ABCA9: variants seen among roughly 807,000 people sequenced by gnomAD.
ABCA9 encodes ATP binding cassette subfamily A member 9, also known as ATP-binding cassette sub-family A member 9.
ABCA9 carries 183 observed loss-of-function variants against 205.3 expected under a neutral mutation model. The observed-to-expected ratio is 0.89, with a 90% CI of 0.79 to 1.01. The LOEUF (loss-of-function observed/expected upper bound fraction) is 1.01. ABCA9 is among the 50% of genes least tolerant of loss of function. ABCA9 has a pLI of 0.00. For missense variants in ABCA9, 1,805 were observed against 1,912.4 expected (o/e 0.94, Z 1.05); for synonymous variants, 651 against 683.3 (o/e 0.95, Z 0.74).
At chr17:69,014,355 A>C (rs1294143020) in intron 22 of ABCA9, among the ~76,000 whole-genome samples, 1 of 152,198 alleles carries the variant, frequency 6.6e-6, no homozygotes, top group African/African-American at 2.4e-5. Context: ...AAAGGTGCAC[A>C]TGAAACAAAC....
intron 25 of ABCA9, 57 bp from the exon 26 acceptor site, chr17:68,996,071 G>A (rs1228112736): frequency 6.4e-7 from 1 of 1,561,476 alleles, no homozygotes; most frequent in Non-Finnish European, 8.7e-7. Flanking sequence ...ATTTTAGGAT[G>A]TTTTCTAAGA....
intron 20 of ABCA9, 52 bp downstream of exon 20, chr17:69,018,361 A>G: frequency 7.3e-7 from 1 of 1,378,640 alleles, no homozygotes; most frequent in African/African-American, 1.5e-5. Flanking sequence ...TTTTGGGGGG[A>G]ATCTCTCAAC....
chr17:69,056,352 A>G (rs1253220693), intron 1 of ABCA9, among the ~76,000 whole-genome samples: 1 of 152,188 alleles, frequency 6.6e-6, no homozygotes, highest in Non-Finnish European at 1.5e-5. Context: ...GATCTCATAG[A>G]CATTAAGAGG....
At position 68,989,109 on chromosome 17, in the gene ABCA9, A is replaced by G. The variant is rs755734680; in HGVS notation, c.3965T>C (p.Ile1322Thr). The G allele has an allele frequency of 1.9e-5, 31 of 1,607,474 alleles. No individual in the cohort carries two copies. In the South Asian group the frequency reaches 3.4e-4, roughly 18 times the overall value. Reference sequence around the variant, plus strand: ...AGCTCCATTGTGTCCTAACAGTCCTATAACTTCACCTGAAAGAAAGTGGTA... The same window carrying G: ...AGCTCCATTGTGTCCTAACAGTCCTGTAACTTCACCTGAAAGAAAGTGGTA... Reference protein sequence around the residue: ...VSFCVKKGEVIGLLGHNGAGK... With the variant: ...VSFCVKKGEVTGLLGHNGAGK... Residue 1322 changes from isoleucine to threonine, a missense_variant, in exon 31 of 39, where the codon ATA becomes ACA. Coordinates refer to ENST00000340001, the MANE Select transcript of ABCA9 (RefSeq NM_080283.4).
At chr17:68,984,006 C>G (rs754012783) in intron 35 of ABCA9, 50 bp downstream of exon 35, 13 of 1,610,472 alleles carry the variant, frequency 8.1e-6, no homozygotes, top group Non-Finnish European at 1.1e-5. Flanking sequence ...ATAAACTTTG[C>G]TCACAGCACA....
At chr17:69,011,786 T>G in intron 23 of ABCA9, 190 bp downstream of exon 23, 1 of 475,932 alleles carries the variant, frequency 2.1e-6, no homozygotes, top group Non-Finnish European at 3.7e-6. Context: ...CTGTCCTTCC[T>G]GAGGTCTCAC....
At chr17:68,997,563 T>C (rs1281359980) in intron 25 of ABCA9, among the ~76,000 whole-genome samples, 1 of 151,294 alleles carries the variant, frequency 6.6e-6, no homozygotes, top group Non-Finnish European at 1.5e-5. Flanking sequence ...CTCTTTCATG[T>C]GGCTGTAATT....
chr17:69,037,111 T>C (rs1253195328), intron 6 of ABCA9, among the ~76,000 whole-genome samples: 1 of 151,996 alleles, frequency 6.6e-6, no homozygotes, highest in African/African-American at 2.4e-5. Context: ...GACACAATAA[T>C]AATGGGAGAC....
intron 36 of ABCA9, 127 bp downstream of exon 36, chr17:68,983,579 CTCT>C: frequency 1.5e-6 from 2 of 1,303,710 alleles, no homozygotes; most frequent in Non-Finnish European, 2.1e-6. Flanking sequence ...AATTGAATTT[CTCT>C]TAAGTAAAGT....
At chr17:69,045,391 C>A in intron 3 of ABCA9, 55 bp from the exon 4 acceptor site, 1 of 1,530,878 alleles carries the variant, frequency 6.5e-7, no homozygotes, top group South Asian at 1.3e-5. Flanking sequence ...TCTACCTGGC[C>A]ATATTCAATT....
At chr17:69,012,330 G>T in intron 22 of ABCA9, 1 of 384,302 alleles carries the variant, frequency 2.6e-6, no homozygotes, top group East Asian at 4.2e-5. Flanking sequence ...ATTGTCTAAG[G>T]TCATACAGTT....
intron 6 of ABCA9, among the ~76,000 whole-genome samples, chr17:69,036,603 T>C (rs186167389): frequency 6.6e-6 from 1 of 151,820 alleles, no homozygotes; most frequent in African/African-American, 2.4e-5. Flanking sequence ...CCAACGACAC[T>C]ATGAAGAAAT....
At chr17:68,993,167 C>T in intron 26 of ABCA9, 83 bp from the exon 27 acceptor site, 1 of 1,145,952 alleles carries the variant, frequency 8.7e-7, no homozygotes, top group Non-Finnish European at 1.3e-6. Flanking sequence ...AAACTGATGC[C>T]TATTCAATGG....
chr17:69,024,028 A>G (rs2070904372), intron 17 of ABCA9, among the ~76,000 whole-genome samples, 186 bp downstream of exon 17: 1 of 152,188 alleles, frequency 6.6e-6, no homozygotes, highest in South Asian at 2.1e-4. Flanking sequence ...TGGTTTACTC[A>G]TAAGTAGCAT....
rs777966131 is a variant in ABCA9, at chr17:69,043,713, G to A, written c.576C>T (p.Ile192=). Residue 192 remains isoleucine (I), a splice_region_variant and synonymous_variant, in exon 6 of 39, where the codon ATC becomes ATT. Transcript: ENST00000340001. ...QAAINAAIIE[I]ATNHSVMEQL... is the part of the protein sequence containing the mutation. ...GTTCCATCACTGAATGATTTGTTGCGATCTGAAGAAAGATATCAATGAACA... is the reference window on the plus strand; with the variant it reads ...GTTCCATCACTGAATGATTTGTTGCAATCTGAAGAAAGATATCAATGAACA... 1.2e-5 allele frequency: 19 copies of A among 1,586,396 alleles called. No individual in the cohort carries two copies. Among genetic ancestry groups the A allele is most frequent in the East Asian group, 6.7e-5 (3 of 44,602 alleles).
rs1483349460 is a variant in ABCA9, at chr17:69,060,907, C to T, written c.-55G>A. Reference sequence around the variant, plus strand: ...GGAAAAATCTAGAAACACAGTTCATCCATGGGTCTCTGCATGTTCTGGAGG... The same window carrying T: ...GGAAAAATCTAGAAACACAGTTCATTCATGGGTCTCTGCATGTTCTGGAGG... On this transcript the variant is annotated 5_prime_UTR_variant, in exon 1 of 39. Transcript: ENST00000340001. The T allele has an allele frequency of 3.0e-6, 3 of 985,328 alleles. No homozygotes were observed. The highest frequency in any genetic ancestry group is 1.1e-4 in the East Asian group (1 of 8,836). The allele number at this position is 985,328 out of a possible 1,614,324, so 61.0% of individuals were successfully genotyped here. A position where few individuals can be genotyped will look rare whatever the true frequency, so the allele number is the denominator to read the frequency against.
chr17:69,016,449 G>A, intron 21 of ABCA9, 59 bp from the exon 22 acceptor site: 11 of 1,446,938 alleles, frequency 7.6e-6, no homozygotes, highest in South Asian at 5.9e-5. Flanking sequence ...AATTTAATGA[G>A]TGAACATGTT....
At chr17:68,989,275 C>A in intron 30 of ABCA9, 157 bp from the exon 31 acceptor site, 1 of 514,826 alleles carries the variant, frequency 1.9e-6, no homozygotes, top group East Asian at 3.1e-5. Flanking sequence ...CACACACACA[C>A]ACACACACAC....
intron 16 of ABCA9, 98 bp from the exon 17 acceptor site, chr17:69,024,451 A>G (rs2070918389): frequency 8.3e-7 from 1 of 1,205,042 alleles, no homozygotes. Context: ...ATTAATATTT[A>G]TGAGACAAAA....
Sources: gnomAD v4.1 joint callset for allele counts (sites outside exome capture counted in the v4.1 genomes callset) on GRCh38, gnomAD v4.1.1 for gene constraint, MANE v1.5 for transcripts, NCBI Gene and HGNC (gene_info 2026-07-23, HGNC 2026-07-21) for gene names.